Variants in THSD4 observed in about 807,000 individuals in gnomAD.
THSD4 encodes thrombospondin type-1 domain-containing protein 4.
Under a neutral mutation model 119.0 loss-of-function variants are expected in THSD4, and 69 were observed. That is an observed-to-expected ratio of 0.58 (90% CI 0.48 to 0.71). The LOEUF (loss-of-function observed/expected upper bound fraction) is 0.71. Ranked by LOEUF, THSD4 falls within the 30% of genes least tolerant of loss-of-function variation. The pLI is 0.00. For missense variants in THSD4, 1,393 were observed against 1,391.1 expected (o/e 1.00, Z -0.02); for synonymous variants, 524 against 540.4 (o/e 0.97, Z 0.42).
chr15:71,545,346 C>T (rs562028811), intron 7 of THSD4, among the ~76,000 whole-genome samples: 7 of 152,246 alleles, frequency 4.6e-5, no homozygotes, highest in Non-Finnish European at 1.0e-4. Context: ...TGAGAAGTGT[C>T]TAGACCAGGG....
chr15:71,372,708 AG>A (rs2046072587), intron 6 of THSD4, among the ~76,000 whole-genome samples: 1 of 152,236 alleles, frequency 6.6e-6, no homozygotes, highest in African/African-American at 2.4e-5. Context: ...CCTCCCAGTT[AG>A]GCTACTCGGG....
chr15:71,534,102 A>G (rs1277065288), intron 7 of THSD4, among the ~76,000 whole-genome samples: 1 of 152,102 alleles, frequency 6.6e-6, no homozygotes, highest in African/African-American at 2.4e-5. Flanking sequence ...GGTGCACACA[A>G]CACACTTGGC....
intron 7 of THSD4, among the ~76,000 whole-genome samples, chr15:71,645,375 GAGGGAAGCCTCATATAA>G (rs1437985821): frequency 6.6e-6 from 1 of 152,130 alleles, no homozygotes; most frequent in African/African-American, 2.4e-5. Flanking sequence ...GCCGTGCAAA[GAGGGAAGCCTCATATAA>G]AGCCATCAGA....
chr15:71,572,913 G>A (rs1270750536), intron 7 of THSD4, among the ~76,000 whole-genome samples: 2 of 152,114 alleles, frequency 1.3e-5, no homozygotes, highest in Non-Finnish European at 2.9e-5. Context: ...CTTTGTTCTG[G>A]CCTGAGTTTA....
At chr15:71,480,526 G>A (rs1413977827) in intron 7 of THSD4, among the ~76,000 whole-genome samples, 3 of 152,162 alleles carry the variant, frequency 2.0e-5, no homozygotes, top group Non-Finnish European at 4.4e-5. Flanking sequence ...CAAAAATAAG[G>A]CAGATAGAAA....
At chr15:71,748,104 C>A (rs1263705930) in intron 13 of THSD4, among the ~76,000 whole-genome samples, 1 of 152,170 alleles carries the variant, frequency 6.6e-6, no homozygotes, top group Admixed American at 6.5e-5. Context: ...GTGTGTCCAA[C>A]CTTCCATCCT....
chr15:71,153,632 A>C (rs182688530), intron 2 of THSD4, among the ~76,000 whole-genome samples: 61 of 152,274 alleles, frequency 4.0e-4, no homozygotes, highest in Middle Eastern at 3.4e-3. Context: ...AGCTTTATCT[A>C]ACTCCACAAG....
At chr15:71,642,304 G>A (rs1264064013) in intron 7 of THSD4, among the ~76,000 whole-genome samples, 3 of 152,168 alleles carry the variant, frequency 2.0e-5, no homozygotes, top group Non-Finnish European at 2.9e-5. Flanking sequence ...GAAACAACAG[G>A]TGCTGGAGAG....
intron 15 of THSD4, among the ~76,000 whole-genome samples, chr15:71,760,324 A>G (rs1022282102): frequency 2.6e-5 from 4 of 152,226 alleles, no homozygotes; most frequent in African/African-American, 9.6e-5. Flanking sequence ...AGCCAGTCTG[A>G]GAGAATGAGA....
intron 8 of THSD4, among the ~76,000 whole-genome samples, chr15:71,707,321 A>T (rs2052413002): frequency 6.6e-6 from 1 of 152,264 alleles, no homozygotes. Context: ...ATGACCAACA[A>T]GGATAAAGTT....
At chr15:71,606,469 C>T (rs1182580683) in intron 7 of THSD4, among the ~76,000 whole-genome samples, 1 of 152,084 alleles carries the variant, frequency 6.6e-6, no homozygotes, top group Non-Finnish European at 1.5e-5. Context: ...AGCAAGGAGG[C>T]AGGATAAACT....
At chr15:71,626,522 C>T (rs887999178) in intron 7 of THSD4, among the ~76,000 whole-genome samples, 2 of 152,156 alleles carry the variant, frequency 1.3e-5, no homozygotes, top group Admixed American at 1.3e-4. Flanking sequence ...AGAATTTTTA[C>T]ACTAAATATG....
intron 7 of THSD4, among the ~76,000 whole-genome samples, chr15:71,605,571 C>T (rs2050093176): frequency 6.6e-6 from 1 of 152,188 alleles, no homozygotes; most frequent in Admixed American, 6.5e-5. Flanking sequence ...GGTGGGATAA[C>T]AGCAAACCTT....
chr15:71,527,106 G>C (rs2048532955), intron 7 of THSD4, among the ~76,000 whole-genome samples: 1 of 152,004 alleles, frequency 6.6e-6, no homozygotes, highest in South Asian at 2.1e-4. Context: ...CTTCACCCGG[G>C]GTTCAGCCTT....
At chr15:71,298,019 A>G (rs568893491) in intron 6 of THSD4, among the ~76,000 whole-genome samples, 2 of 152,278 alleles carry the variant, frequency 1.3e-5, no homozygotes, top group South Asian at 2.1e-4. Context: ...TTCATTGCCC[A>G]AATCTAAGGA....
chr15:71,243,185 A>C, intron 5 of THSD4, 89 bp downstream of exon 5: 1 of 1,329,218 alleles, frequency 7.5e-7, no homozygotes, highest in Non-Finnish European at 1.0e-6. Context: ...GACAGCAAGG[A>C]TATGGTGTCT....
At chr15:71,434,179 G>C (rs949228508) in intron 7 of THSD4, among the ~76,000 whole-genome samples, 2 of 152,028 alleles carry the variant, frequency 1.3e-5, no homozygotes, top group Admixed American at 6.6e-5. Context: ...AAAAGCATTT[G>C]GGCTTATTTA....
At chr15:71,305,569 C>T (rs1240538222) in intron 6 of THSD4, among the ~76,000 whole-genome samples, 2 of 152,206 alleles carry the variant, frequency 1.3e-5, no homozygotes, top group Non-Finnish European at 2.9e-5. Context: ...TTCTACCTCT[C>T]TGAGTCCGTT....
chr15:71,121,329 G>A lies in THSD4; in HGVS notation c.-80+5631G>A, dbSNP rs537734089. ...GAAAATGCTCAAAACTATCTCAGGC[G>A]TGTAGAAAAGTGCCACTTGAATGTT... On this transcript the variant is annotated intron_variant, in intron 1 of 17. Transcript: ENST00000261862. Among the ~76,000 whole-genome samples, 67 of 151,888 alleles carry A rather than the reference G, an allele frequency of 4.4e-4. 1 individual carries two copies. Among genetic ancestry groups the A allele is most frequent in the African/African-American group, 1.3e-3 (52 of 41,388 alleles).
Sources: gnomAD v4.1 joint callset for allele counts (sites outside exome capture counted in the v4.1 genomes callset) on GRCh38, gnomAD v4.1.1 for gene constraint, MANE v1.5 for transcripts, NCBI Gene and HGNC (gene_info 2026-07-23, HGNC 2026-07-21) for gene names.